The following WWOX variants were observed in gnomAD, a reference collection of about 807,000 sequenced individuals.
WWOX encodes WW domain containing oxidoreductase.
WWOX carries 69 observed loss-of-function variants against 46.2 expected under a neutral mutation model. That is an observed-to-expected ratio of 1.49 (90% CI 1.23 to 1.82). WWOX has a LOEUF of 1.82. Among genes scored for constraint, WWOX ranks in the 40% most tolerant of loss-of-function variants. The pLI, the probability that WWOX is intolerant of heterozygous loss-of-function variation, is 0.00. For missense variants in WWOX, 919 were observed against 542.6 expected, an observed-to-expected ratio of 1.69 and a Z score of -6.89; for synonymous variants, 359 against 202.6, an observed-to-expected ratio of 1.77 and a Z score of -6.56.
At position 78,318,272 on chromosome 16, in the gene WWOX, A is replaced by ATTTTTTTTTTTTTTTT. The variant is rs34730954; in HGVS notation, c.517-68586_517-68571dup. Among the ~76,000 whole-genome samples the ATTTTTTTTTTTTTTTT allele has an allele frequency of 3.9e-4, 48 of 123,544 alleles. 2 individuals are homozygous for ATTTTTTTTTTTTTTTT. Among genetic ancestry groups the ATTTTTTTTTTTTTTTT allele is most frequent in the African/African-American group, 1.4e-3 (45 of 31,224 alleles). 81.0% of individuals were successfully genotyped at this position (123,544 alleles called of 152,430 possible). The stretch of plus-strand genomic sequence containing the variant: ...CTTAGGAGCCCTCCGTCTGGGAGGA[A>ATTTTTTTTTTTTTTTT]TTTTTTTTTTTTTTTTTGGTATATC... On this transcript the variant is annotated intron_variant, in intron 5 of 8. Coordinates refer to ENST00000566780, the MANE Select transcript of WWOX (RefSeq NM_016373.4).
chr16:79,086,454 T>A (rs1225168888), intron 8 of WWOX, among the ~76,000 whole-genome samples: 1 of 152,230 alleles, frequency 6.6e-6, no homozygotes, highest in Non-Finnish European at 1.5e-5. Flanking sequence ...AGATGACCTT[T>A]TGAAAATAGA....
At chr16:78,601,292 G>A (rs944834623) in intron 8 of WWOX, among the ~76,000 whole-genome samples, 1 of 152,192 alleles carries the variant, frequency 6.6e-6, no homozygotes, top group Non-Finnish European at 1.5e-5. Context: ...TGAAAAGCAA[G>A]TTGCAAACTC....
chr16:78,327,635 C>G (rs930832141), intron 5 of WWOX, among the ~76,000 whole-genome samples: 8 of 152,156 alleles, frequency 5.3e-5, no homozygotes, highest in African/African-American at 1.4e-4. Flanking sequence ...ATTCCACAAT[C>G]TTCTATTTTT....
chr16:78,755,477 A>C (rs2049620668), intron 8 of WWOX, among the ~76,000 whole-genome samples: 1 of 152,160 alleles, frequency 6.6e-6, no homozygotes, highest in African/African-American at 2.4e-5. Context: ...CATGATGATG[A>C]GGGAGGAACA....
At chr16:79,005,705 C>T (rs1463351344) in intron 8 of WWOX, among the ~76,000 whole-genome samples, 1 of 152,188 alleles carries the variant, frequency 6.6e-6, no homozygotes, top group Non-Finnish European at 1.5e-5. Flanking sequence ...ATTTAGAGCC[C>T]ACCCTAATTC....
chr16:78,625,026 C>T (rs1019569258), intron 8 of WWOX, among the ~76,000 whole-genome samples: 1 of 152,170 alleles, frequency 6.6e-6, no homozygotes, highest in Non-Finnish European at 1.5e-5. Context: ...GAACAAGAGC[C>T]TGTCTTTGGG....
chr16:78,838,628 G>T (rs967618945), intron 8 of WWOX, among the ~76,000 whole-genome samples: 1 of 152,126 alleles, frequency 6.6e-6, no homozygotes, highest in Non-Finnish European at 1.5e-5. Context: ...GGTCACCTGA[G>T]GTCCGGAGTT....
chr16:79,172,869 A>C (rs2050727574), intron 8 of WWOX, among the ~76,000 whole-genome samples: 1 of 151,978 alleles, frequency 6.6e-6, no homozygotes. Flanking sequence ...AGAAAAAAAA[A>C]AAAATGCCAG....
intron 5 of WWOX, among the ~76,000 whole-genome samples, chr16:78,318,236 C>G (rs2080393806): frequency 6.7e-6 from 1 of 149,846 alleles, no homozygotes; most frequent in Non-Finnish European, 1.5e-5. Context: ...CAGAAGCAGC[C>G]TACAGAAACT....
chr16:78,292,894 G>T (rs1291519108), intron 5 of WWOX, among the ~76,000 whole-genome samples: 1 of 152,190 alleles, frequency 6.6e-6, no homozygotes. Flanking sequence ...TCAAGCCAGT[G>T]ATCCAGGCCA....
intron 8 of WWOX, among the ~76,000 whole-genome samples, chr16:78,630,439 G>C (rs1056813513): frequency 6.6e-6 from 1 of 152,146 alleles, no homozygotes; most frequent in African/African-American, 2.4e-5. Context: ...CTGGAATTTT[G>C]TTATATGCTA....
At chr16:78,869,270 A>C (rs372071033) in intron 8 of WWOX, among the ~76,000 whole-genome samples, 3 of 152,090 alleles carry the variant, frequency 2.0e-5, no homozygotes, top group East Asian at 3.9e-4. Flanking sequence ...GAAATGAAAC[A>C]CTTAGGGGTT....
At position 79,012,934 on chromosome 16, in the gene WWOX, G is replaced by A. The variant is rs182151551; in HGVS notation, c.1057-198674G>A. ...AGGCTGGGTGTGGTGGCTCATGCCTGTATTCCCAGCCCTTTGGGAGGCCGA... is the reference window on the plus strand; with the variant it reads ...AGGCTGGGTGTGGTGGCTCATGCCTATATTCCCAGCCCTTTGGGAGGCCGA... On this transcript the variant is annotated intron_variant, in intron 8 of 8. Transcript: ENST00000566780. Among the ~76,000 whole-genome samples the A allele has an allele frequency of 1.6e-4, 25 of 152,346 alleles. 1 individual carries two copies. The highest frequency in any genetic ancestry group is 5.5e-4 in the African/African-American group (23 of 41,596).
intron 8 of WWOX, among the ~76,000 whole-genome samples, chr16:78,665,833 C>A (rs1376589827): frequency 6.6e-6 from 1 of 152,128 alleles, no homozygotes; most frequent in Non-Finnish European, 1.5e-5. Flanking sequence ...TACAGGCATG[C>A]ACCACCATGC....
intron 8 of WWOX, among the ~76,000 whole-genome samples, chr16:78,876,969 G>A (rs1377439704): frequency 2.0e-5 from 3 of 152,118 alleles, no homozygotes; most frequent in Non-Finnish European, 2.9e-5. Flanking sequence ...CCTCTGTATA[G>A]TCTTATTACT....
chr16:78,194,399 C>G (rs983769340), intron 5 of WWOX, among the ~76,000 whole-genome samples: 1 of 151,392 alleles, frequency 6.6e-6, no homozygotes, highest in African/African-American at 2.4e-5. Context: ...ACCAGCCTGG[C>G]CAACATGGTG....
rs182159345 is a variant in WWOX, at chr16:78,569,525, T to G, written c.1056+136773T>G. On this transcript the variant is annotated intron_variant, in intron 8 of 8. Transcript: ENST00000566780. ...AACTGCAATTTTATCGGCTCCTTTT[T>G]GTACATATATGATTATGAAGCAATT... is the stretch of plus-strand genomic sequence containing the variant. 1.9e-3 allele frequency among the ~76,000 whole-genome samples: 283 copies of G among 152,366 alleles called. 2 individuals carry two copies. Among genetic ancestry groups the G allele is most frequent in the Non-Finnish European group, 4.3e-4 (29 of 68,034 alleles).
intron 8 of WWOX, among the ~76,000 whole-genome samples, chr16:78,861,195 C>T (rs561211389): frequency 1.3e-4 from 19 of 151,894 alleles, no homozygotes; most frequent in African/African-American, 4.3e-4. Context: ...TCCTTTTTTC[C>T]TTCTCTGTTG....
intron 8 of WWOX, among the ~76,000 whole-genome samples, chr16:78,987,292 T>C (rs971094505): frequency 6.6e-6 from 1 of 152,208 alleles, no homozygotes; most frequent in Non-Finnish European, 1.5e-5. Flanking sequence ...CTTTGGCATG[T>C]GAGTGGTTTT....
Sources: gnomAD v4.1 joint callset for allele counts (sites outside exome capture counted in the v4.1 genomes callset) on GRCh38, gnomAD v4.1.1 for gene constraint, MANE v1.5 for transcripts, NCBI Gene and HGNC (gene_info 2026-07-23, HGNC 2026-07-21) for gene names.